Variants in NKAIN2 observed in about 807,000 individuals in gnomAD.
The protein encoded by NKAIN2 is sodium/potassium-transporting ATPase subunit beta-1-interacting protein 2.
NKAIN2 carries 14 observed loss-of-function variants against 32.6 expected under a neutral mutation model. That is an observed-to-expected ratio of 0.43 (90% CI 0.28 to 0.67). The LOEUF (loss-of-function observed/expected upper bound fraction) is 0.67. NKAIN2 is among the 30% of genes least tolerant of loss of function. NKAIN2 has a pLI of 0.17. For synonymous variants in NKAIN2, 80 were observed against 87.2 expected, an observed-to-expected ratio of 0.92 and a Z score of 0.46; for missense variants, 198 against 258.3, an observed-to-expected ratio of 0.77 and a Z score of 1.60.
intron 4 of NKAIN2, among the ~76,000 whole-genome samples, chr6:124,690,702 A>G (rs2114536864): frequency 6.6e-6 from 1 of 152,220 alleles, no homozygotes; most frequent in East Asian, 1.9e-4. Context: ...TTCTTTCTCT[A>G]CACTGTATCT....
At chr6:124,500,425 G>T (rs1026387499) in intron 3 of NKAIN2, among the ~76,000 whole-genome samples, 1 of 152,032 alleles carries the variant, frequency 6.6e-6, no homozygotes, top group Non-Finnish European at 1.5e-5. Flanking sequence ...GAGGCTGGTG[G>T]ATCACTTGAA....
intron 3 of NKAIN2, among the ~76,000 whole-genome samples, chr6:124,405,572 G>T (rs1348649645): frequency 1.3e-5 from 2 of 150,000 alleles, no homozygotes; most frequent in Non-Finnish European, 3.0e-5. Context: ...GGAGAACAGG[G>T]TCTCACTATA....
At chr6:124,581,187 C>A (rs1781505645) in intron 3 of NKAIN2, among the ~76,000 whole-genome samples, 1 of 152,084 alleles carries the variant, frequency 6.6e-6, no homozygotes, top group Non-Finnish European at 1.5e-5. Flanking sequence ...CGCCTGTAAT[C>A]CCAGCACTTT....
chr6:124,062,143 G>A (rs865955956), intron 1 of NKAIN2, among the ~76,000 whole-genome samples: 3 of 152,150 alleles, frequency 2.0e-5, no homozygotes, highest in East Asian at 3.9e-4. Context: ...AAGTATAAAC[G>A]TGAAATTTGC....
chr6:124,258,142 T>TA lies in NKAIN2; in HGVS notation c.55-24848dup, dbSNP rs34430558. 3.0e-3 allele frequency among the ~76,000 whole-genome samples: 440 copies of TA among 144,636 alleles called. 1 individual carries two copies. The highest frequency in any genetic ancestry group is 0.014 in the Middle Eastern group (4 of 286). The allele number at this position is 144,636 out of a possible 152,430, so 94.9% of individuals were successfully genotyped here. A position where few individuals can be genotyped will look rare whatever the true frequency, so the allele number is the denominator to read the frequency against. On this transcript the variant is annotated intron_variant, in intron 1 of 6. Transcript: ENST00000368417. ...CTATTGTTTTACTCTTTTTCAAGATTAAAAAAAAAAAAAAACTGAGGTATA... is the reference window on the plus strand; with the variant it reads ...CTATTGTTTTACTCTTTTTCAAGATTAAAAAAAAAAAAAAAACTGAGGTATA...
chr6:123,833,559 A>G (rs1175025453), intron 1 of NKAIN2, among the ~76,000 whole-genome samples: 1 of 152,120 alleles, frequency 6.6e-6, no homozygotes, highest in Non-Finnish European at 1.5e-5. Flanking sequence ...TATTCATGAA[A>G]AGTATTTTTC....
At chr6:124,583,199 C>A (rs1781584651) in intron 3 of NKAIN2, among the ~76,000 whole-genome samples, 1 of 142,350 alleles carries the variant, frequency 7.0e-6, no homozygotes, top group Non-Finnish European at 1.5e-5. Flanking sequence ...ATGGTATGAT[C>A]TTATAATTGG....
intron 4 of NKAIN2, among the ~76,000 whole-genome samples, chr6:124,751,687 C>CA (rs1288133975): frequency 1.3e-5 from 2 of 151,714 alleles, no homozygotes; most frequent in African/African-American, 4.8e-5. Context: ...CATTAAAAGA[C>CA]AGAGATTTAG....
At chr6:124,786,533 G>A (rs770830749) in intron 4 of NKAIN2, among the ~76,000 whole-genome samples, 4 of 151,972 alleles carry the variant, frequency 2.6e-5, no homozygotes, top group Non-Finnish European at 5.9e-5. Flanking sequence ...AATTTGGTCT[G>A]TGGATACAAA....
intron 2 of NKAIN2, among the ~76,000 whole-genome samples, chr6:124,329,080 T>C (rs981020902): frequency 3.9e-5 from 6 of 152,232 alleles, no homozygotes; most frequent in African/African-American, 1.2e-4. Context: ...ATATTGTCTC[T>C]GTCCTCTACT....
At chr6:124,633,046 C>G (rs1243308491) in intron 3 of NKAIN2, among the ~76,000 whole-genome samples, 1 of 152,050 alleles carries the variant, frequency 6.6e-6, no homozygotes, top group African/African-American at 2.4e-5. Flanking sequence ...ATTATGTGCC[C>G]ACCATTTTCT....
intron 2 of NKAIN2, among the ~76,000 whole-genome samples, chr6:124,294,410 T>C (rs983926312): frequency 6.6e-6 from 1 of 152,154 alleles, no homozygotes; most frequent in African/African-American, 2.4e-5. Context: ...GTTTGTCAAA[T>C]AATAATTATA....
intron 2 of NKAIN2, among the ~76,000 whole-genome samples, chr6:124,314,890 T>C (rs1246489479): frequency 1.3e-5 from 2 of 152,168 alleles, no homozygotes; most frequent in Non-Finnish European, 2.9e-5. Context: ...TGTTTGAACA[T>C]ACGTTAACCA....
chr6:124,701,253 CTT>C (rs1774778026), intron 4 of NKAIN2, among the ~76,000 whole-genome samples: 2 of 151,822 alleles, frequency 1.3e-5, no homozygotes, highest in African/African-American at 4.8e-5. Context: ...TTTACCTTCT[CTT>C]GATTATTTCT....
intron 3 of NKAIN2, among the ~76,000 whole-genome samples, chr6:124,574,925 A>G (rs951370261): frequency 2.6e-5 from 4 of 152,202 alleles, no homozygotes; most frequent in African/African-American, 7.2e-5. Context: ...TTCATTCAGA[A>G]TATCTCTCAA....
At chr6:124,009,109 C>G (rs1033101317) in intron 1 of NKAIN2, among the ~76,000 whole-genome samples, 1 of 152,130 alleles carries the variant, frequency 6.6e-6, no homozygotes, top group African/African-American at 2.4e-5. Flanking sequence ...CACTGTACAA[C>G]TGTAATCCTG....
chr6:124,274,573 T>G (rs1794939547), intron 1 of NKAIN2, among the ~76,000 whole-genome samples: 1 of 152,084 alleles, frequency 6.6e-6, no homozygotes, highest in African/African-American at 2.4e-5. Context: ...AGCTCTGGAG[T>G]TATGATCTTG....
intron 1 of NKAIN2, among the ~76,000 whole-genome samples, chr6:124,081,990 C>G (rs866761456): frequency 7.9e-5 from 12 of 151,950 alleles, no homozygotes; most frequent in African/African-American, 2.9e-4. Context: ...TCAATCCACC[C>G]CTGCCCTTAA....
At chr6:124,751,035 G>C (rs569593101) in intron 4 of NKAIN2, among the ~76,000 whole-genome samples, 117 of 152,142 alleles carry the variant, frequency 7.7e-4, no homozygotes, top group African/African-American at 2.7e-3. Context: ...CCTAAATACA[G>C]TAAGAAATAC....
Sources: allele counts gnomAD v4.1 joint callset (sites outside exome capture counted in the v4.1 genomes callset), GRCh38; gene constraint gnomAD v4.1.1; transcripts MANE v1.5; gene names NCBI Gene and HGNC (gene_info 2026-07-23, HGNC 2026-07-21).